Variants in TRAK1 observed in about 807,000 individuals in gnomAD.
TRAK1 encodes the protein trafficking kinesin-binding protein 1.
Under a neutral mutation model 92.1 loss-of-function variants are expected in TRAK1, and 33 were observed. The ratio of observed to expected loss-of-function variants is 0.36; its 90% CI spans 0.27 to 0.48. TRAK1 has a LOEUF of 0.48. Ranked by LOEUF, TRAK1 falls within the 20% of genes least tolerant of loss-of-function variation. The pLI is 0.99. For synonymous variants in TRAK1, 521 were observed against 517.3 expected, an observed-to-expected ratio of 1.01 and a Z score of -0.10; for missense variants, 1,123 against 1,257.9, an observed-to-expected ratio of 0.89 and a Z score of 1.62.
At chr3:42,178,638 T>C (rs1166815990) in intron 3 of TRAK1, among the ~76,000 whole-genome samples, 1 of 152,060 alleles carries the variant, frequency 6.6e-6, no homozygotes, top group Non-Finnish European at 1.5e-5. Flanking sequence ...GGAGGCGGGA[T>C]CTCCTTATAT....
intron 2 of TRAK1, among the ~76,000 whole-genome samples, chr3:42,142,553 T>G (rs1437286914): frequency 6.6e-6 from 1 of 152,222 alleles, no homozygotes; most frequent in Non-Finnish European, 1.5e-5. Flanking sequence ...CTGTTCTTGA[T>G]ACTTGCTTCC....
upstream of TRAK1, among the ~76,000 whole-genome samples, chr3:42,083,878 ATAAATAAAT>A (rs1013488822): frequency 4.6e-5 from 7 of 151,846 alleles, no homozygotes; most frequent in African/African-American, 1.5e-4. Context: ...CTTTAAAAAA[ATAAATAAAT>A]AAAATAAATA....
intron 2 of TRAK1, among the ~76,000 whole-genome samples, chr3:42,171,058 G>A (rs969787341): frequency 6.6e-6 from 1 of 151,698 alleles, no homozygotes; most frequent in South Asian, 2.1e-4. Context: ...CTCATGATCC[G>A]CCTGCCTCGG....
rs140378844 is a variant in TRAK1, at chr3:42,065,345, C to G, written c.-518-21759C>G. Among the ~76,000 whole-genome samples, 210 of 152,294 alleles carry G rather than the reference C, an allele frequency of 1.4e-3. 3 individuals are homozygous for G. The highest frequency in any genetic ancestry group is 2.2e-3 in the Non-Finnish European group (147 of 68,012). On this transcript the variant is annotated intron_variant, in intron 1 of 16. Transcript: ENST00000487159. Reference sequence around the variant, plus strand: ...CCAGAAGTGTTTTAGATTTCAGATTCTTCTGGAATTAAGAATATTTGCATT... The same window carrying G: ...CCAGAAGTGTTTTAGATTTCAGATTGTTCTGGAATTAAGAATATTTGCATT...
intron 2 of TRAK1, among the ~76,000 whole-genome samples, chr3:42,158,015 C>T (rs1479433305): frequency 2.0e-5 from 3 of 152,032 alleles, no homozygotes; most frequent in Non-Finnish European, 4.4e-5. Context: ...GGAGGCATAC[C>T]GGCATTCACT....
intron 1 of TRAK1, among the ~76,000 whole-genome samples, chr3:42,021,938 G>A (rs947148975): frequency 1.3e-5 from 2 of 152,160 alleles, no homozygotes; most frequent in Admixed American, 6.5e-5. Flanking sequence ...GGAAGCATTT[G>A]TGTTAGCCAT....
At chr3:42,209,087 G>C (rs917248747) in intron 13 of TRAK1, among the ~76,000 whole-genome samples, 39 of 152,164 alleles carry the variant, frequency 2.6e-4, no homozygotes, top group African/African-American at 9.2e-4. Context: ...GGGCTCCCCT[G>C]CTTTAGACCT....
chr3:42,219,795 T>G (rs1039165712), intron 15 of TRAK1, among the ~76,000 whole-genome samples, 199 bp downstream of exon 15: 6 of 140,962 alleles, frequency 4.3e-5, no homozygotes, highest in South Asian at 4.9e-4. Flanking sequence ...TGTTTTTTTT[T>G]TTTTTTTTTT....
At chr3:42,192,089 G>A (rs895116521) in intron 7 of TRAK1, among the ~76,000 whole-genome samples, 19 of 151,620 alleles carry the variant, frequency 1.3e-4, no homozygotes, top group African/African-American at 4.4e-4. Flanking sequence ...TTTTGTAGAG[G>A]CAAGGTTTCA....
chr3:42,202,517 C>G lies in TRAK1; in HGVS notation c.1509C>G (p.Ser503=). The G allele has an allele frequency of 6.5e-7, 1 of 1,539,080 alleles. No individual in the cohort carries two copies. The highest frequency in any genetic ancestry group is 8.8e-7 in the Non-Finnish European group (1 of 1,136,194). ...TGGAGACGGCGCTGAGGCGGCTGTC[C>G]CTGCGCCGGGAGAACTACCTCTCGG... The part of the protein sequence containing the change: ...HDLETALRRL[S]LRRENYLSER... Residue 503 remains serine, a synonymous_variant, in exon 13 of 16, where the codon TCC becomes TCG. Transcript: ENST00000327628. This position sits in a 1 kb window ranked among gnomAD's most constrained non-coding sequence, Gnocchi z 6.1.
At chr3:42,064,182 C>CG (rs1703574766) in intron 1 of TRAK1, among the ~76,000 whole-genome samples, 1 of 152,060 alleles carries the variant, frequency 6.6e-6, no homozygotes, top group Non-Finnish European at 1.5e-5. Context: ...TGCTCGCAGC[C>CG]AGGCGGGCGC....
At chr3:42,115,985 A>G (rs994351725) in intron 1 of TRAK1, among the ~76,000 whole-genome samples, 12 of 152,222 alleles carry the variant, frequency 7.9e-5, no homozygotes, top group Non-Finnish European at 1.8e-4. Flanking sequence ...TGTGTTCCCA[A>G]TCCTCATCCT....
At chr3:42,098,324 A>G (rs1243057748) in intron 1 of TRAK1, among the ~76,000 whole-genome samples, 1 of 152,206 alleles carries the variant, frequency 6.6e-6, no homozygotes, top group Middle Eastern at 3.4e-3. Flanking sequence ...GGCAGCAGGC[A>G]CTTCACGGGT....
chr3:42,148,598 CT>C (rs1699601114), intron 2 of TRAK1, among the ~76,000 whole-genome samples: 1 of 152,164 alleles, frequency 6.6e-6, no homozygotes, highest in African/African-American at 2.4e-5. Flanking sequence ...CTAGTGTGCA[CT>C]TTAACGCCTT....
intron 1 of TRAK1, among the ~76,000 whole-genome samples, chr3:42,118,878 A>G (rs569848095): frequency 6.6e-6 from 1 of 152,324 alleles, no homozygotes; most frequent in Admixed American, 6.5e-5. Flanking sequence ...TTACCATCCC[A>G]TGGGACTTTC....
intron 6 of TRAK1, among the ~76,000 whole-genome samples, chr3:42,189,776 C>T (rs1395250240): frequency 6.6e-6 from 1 of 152,198 alleles, no homozygotes; most frequent in Non-Finnish European, 1.5e-5. Flanking sequence ...GGTGATCCAC[C>T]TGCCTCGGCC....
At chr3:42,151,279 G>T in intron 2 of TRAK1, 1 of 450,030 alleles carries the variant, frequency 2.2e-6, no homozygotes, top group East Asian at 7.0e-5. Flanking sequence ...CAATCTGGAG[G>T]GTGAGCGGAG....
chr3:42,091,538 G>A lies in TRAK1; in HGVS notation c.69G>A (p.Lys23=), dbSNP rs373134176. The A allele has an allele frequency of 5.0e-6, 8 of 1,612,782 alleles. No homozygotes were observed. Among genetic ancestry groups the A allele is most frequent in the Non-Finnish European group, 6.8e-6 (8 of 1,179,732 alleles). The change falls in exon 1 of 16, where the codon AAG becomes AAA. Residue 23 remains lysine (K), a synonymous_variant. Transcript: ENST00000327628. ...CTCTGCCAGGACTCTGCCACGGCAA[G>A]CTCATTCGGACAAACGCCTGTGGTA... ...AQPLPGLCHG[K]LIRTNACDVC... is the part of the protein sequence containing the mutation.
intron 3 of TRAK1, among the ~76,000 whole-genome samples, chr3:42,183,439 C>G (rs1704302285): frequency 6.6e-6 from 1 of 151,572 alleles, no homozygotes; most frequent in African/African-American, 2.4e-5. Context: ...ACCTGTAATC[C>G]CAGCTACCCA....
Sources: gnomAD v4.1 joint callset for allele counts (sites outside exome capture counted in the v4.1 genomes callset) on GRCh38, gnomAD v4.1.1 for gene constraint, Gnocchi (gnomAD v3.1) non-coding constraint, MANE v1.5 for transcripts, NCBI Gene and HGNC (gene_info 2026-07-23, HGNC 2026-07-21) for gene names.